APOOL: variants seen among roughly 807,000 people sequenced by gnomAD.
APOOL encodes the protein MICOS complex subunit MIC27.
APOOL carries 12 observed loss-of-function variants against 23.1 expected under a neutral mutation model. The ratio of observed to expected loss-of-function variants is 0.52; its 90% confidence interval spans 0.33 to 0.84. APOOL has a LOEUF of 0.84. Among genes scored for constraint, APOOL ranks in the 40% least tolerant of loss-of-function variants. The pLI is 0.02. For missense variants in APOOL, 212 were observed against 199.6 expected (o/e 1.06, Z -0.37); for synonymous variants, 77 against 69.9 (o/e 1.10, Z -0.51).
intron 1 of APOOL, among the ~76,000 whole-genome samples, chrX:85,030,600 T>C (rs1213154358): frequency 8.9e-6 from 1 of 111,876 alleles, no homozygotes; most frequent in Non-Finnish European, 1.9e-5. Flanking sequence ...AGAATGTCTT[T>C]TGTAGCAACT....
At chrX:85,024,674 A>G (rs1021192973) in intron 1 of APOOL, among the ~76,000 whole-genome samples, 4 of 112,750 alleles carry the variant, frequency 3.5e-5, no homozygotes, top group Admixed American at 9.4e-5. Context: ...TAACTCCTAG[A>G]CCAGCTCTTC....
intron 1 of APOOL, among the ~76,000 whole-genome samples, chrX:85,008,535 T>TTTGTGTGTGTGTG (rs778983009): frequency 1.2e-4 from 10 of 86,140 alleles, no homozygotes; most frequent in African/African-American, 4.3e-4. Context: ...TGATAACCCG[T>TTTGTGTGTGTGTG]TGTGTGTGTG....
chrX:85,014,659 T>C (rs1921406364), intron 1 of APOOL, among the ~76,000 whole-genome samples: 1 of 110,804 alleles, frequency 9.0e-6, no homozygotes, highest in Admixed American at 9.6e-5. Context: ...CAATTCCTTC[T>C]GGCTGTAAAG....
rs1036971036 is a variant in APOOL at position 85,090,964 on chromosome X, G to C, written c.*3286G>C. The C allele has an allele frequency of 8.9e-6, 1 of 112,333 alleles. No homozygotes were observed. Among genetic ancestry groups the C allele is most frequent in the African/African-American group, 3.2e-5 (1 of 30,881 alleles). The allele number at this position is 112,333 out of a possible 1,213,427, so 9.3% of individuals were successfully genotyped here. ...AAATGAAGGTATTTGGTATGGCCGG[G>C]TATGGTGGCTCACACCTATAATCCC... On this transcript the variant is annotated 3_prime_UTR_variant, in exon 9 of 9. Coordinates refer to ENST00000373173, the MANE Select transcript of APOOL (RefSeq NM_198450.6).
intron 5 of APOOL, among the ~76,000 whole-genome samples, chrX:85,060,107 T>A (rs1348788831): frequency 2.2e-4 from 24 of 110,404 alleles, no homozygotes; most frequent in Non-Finnish European, 4.0e-4. Flanking sequence ...ACTAGCCAGT[T>A]TTCCCAGCAC....
intron 5 of APOOL, among the ~76,000 whole-genome samples, chrX:85,060,394 G>C (rs1923163546): frequency 9.3e-6 from 1 of 107,368 alleles, no homozygotes; most frequent in Admixed American, 1.0e-4. Context: ...CTTTAAAGTA[G>C]TTTTTTTCCA....
At chrX:85,012,759 G>A (rs1248403724) in intron 1 of APOOL, among the ~76,000 whole-genome samples, 1 of 111,567 alleles carries the variant, frequency 9.0e-6, no homozygotes, top group East Asian at 2.8e-4. Flanking sequence ...ATTTTGTTGA[G>A]GATTTTTGCA....
chrX:85,035,291 T>A (rs1922177645), intron 1 of APOOL, among the ~76,000 whole-genome samples: 1 of 111,493 alleles, frequency 9.0e-6, no homozygotes, highest in Non-Finnish European at 1.9e-5. Flanking sequence ...CTTTTCCCCA[T>A]TTTTTAATGG....
In APOOL at chrX:85,015,760, G is replaced by A. The variant is rs183425875; in HGVS notation, c.15+11833G>A. 3.4e-3 allele frequency among the ~76,000 whole-genome samples: 371 copies of A among 110,390 alleles called. 2 individuals carry two copies. The highest frequency in any genetic ancestry group is 0.011 in the African/African-American group (335 of 30,372). On this transcript the variant is annotated intron_variant, in intron 1 of 8. Transcript: ENST00000373173. The stretch of plus-strand genomic sequence containing the variant: ...ATTTTGTATTTTTATTAGAGATGGG[G>A]TTTCACCATGTTGGCCAGGCTGGTC...
At chrX:85,006,748 A>C (rs1448732835) in intron 1 of APOOL, among the ~76,000 whole-genome samples, 5 of 111,567 alleles carry the variant, frequency 4.5e-5, no homozygotes, top group Admixed American at 9.5e-5. Flanking sequence ...TATGTTTCAC[A>C]TTGGCCCTAT....
Position 85,041,746 on chromosome X carries a change from T to C in APOOL, c.16-4700T>C, listed in dbSNP as rs757613996. Among the ~76,000 whole-genome samples the C allele has an allele frequency of 6.3e-5, 7 of 111,381 alleles. No homozygotes were observed. In the East Asian group the frequency reaches 2.0e-3, roughly 32 times the overall value. ...ATAGAGGGTCTATGGGGATCTCCTG[T>C]GTCCAGGACTGCAAAGGTTCATGGC... is the stretch of plus-strand genomic sequence containing the variant. On this transcript the variant is annotated intron_variant, in intron 1 of 8. Transcript: ENST00000373173.
rs995693852 is a variant in APOOL at position 85,088,611 on chromosome X, G to C, written c.*933G>C. Reference sequence around the variant, plus strand: ...TCTTAGAACTGTCAAAGTTGACTGTGCCTCCTATTTCATAGAGAAAAAACT... The same window carrying C: ...TCTTAGAACTGTCAAAGTTGACTGTCCCTCCTATTTCATAGAGAAAAAACT... On this transcript the variant is annotated 3_prime_UTR_variant, in exon 9 of 9. Coordinates refer to ENST00000373173, the MANE Select transcript of APOOL (RefSeq NM_198450.6). 4.6e-5 allele frequency: 5 copies of C among 109,253 alleles called. No individual in the cohort carries two copies. Among genetic ancestry groups the C allele is most frequent in the African/African-American group, 1.7e-4 (5 of 30,033 alleles). The allele number at this position is 109,253 out of a possible 1,213,427, so 9.0% of individuals were successfully genotyped here. A position where few individuals can be genotyped will look rare whatever the true frequency, so the allele number is the denominator to read the frequency against.
In APOOL at chrX:85,046,431, A is replaced by G. The variant is rs1296871825; in HGVS notation, c.16-15A>G. The stretch of plus-strand genomic sequence containing the variant: ...CTTTTCAACTAAAAAGATGTTTTTG[A>G]TATATCTTTCTTAGATGGGAAAACT... On this transcript the variant is annotated splice_polypyrimidine_tract_variant and intron_variant, in intron 1 of 8. Transcript: ENST00000373173. The G allele has an allele frequency of 3.2e-5, 38 of 1,170,211 alleles. No individual in the cohort carries two copies. Among genetic ancestry groups the G allele is most frequent in the Non-Finnish European group, 4.4e-5 (38 of 867,974 alleles).
At chrX:85,067,772 C>T (rs867605065) in intron 6 of APOOL, among the ~76,000 whole-genome samples, 5 of 111,499 alleles carry the variant, frequency 4.5e-5, no homozygotes, top group Middle Eastern at 4.6e-3. Context: ...AATCCAGATT[C>T]TCTTAATGAT....
intron 6 of APOOL, among the ~76,000 whole-genome samples, chrX:85,068,558 A>G (rs765083255): frequency 1.2e-4 from 13 of 108,052 alleles, no homozygotes; most frequent in Non-Finnish European, 2.5e-4. Context: ...GGCTCCCACC[A>G]CCACGTCCAG....
At chrX:85,055,206 T>C (rs979717641) in intron 4 of APOOL, among the ~76,000 whole-genome samples, 51 of 111,659 alleles carry the variant, frequency 4.6e-4, no homozygotes, top group African/African-American at 1.4e-3. Context: ...GTGATTGCCA[T>C]TAAATAATTA....
chrX:85,020,279 A>G (rs972269155), intron 1 of APOOL, among the ~76,000 whole-genome samples: 10 of 111,925 alleles, frequency 8.9e-5, no homozygotes, highest in Non-Finnish European at 1.3e-4. Context: ...GTGAGAAATT[A>G]CAGCTCCTGA....
chrX:85,067,341 T>A, intron 6 of APOOL, 123 bp downstream of exon 6: 1 of 433,066 alleles, frequency 2.3e-6, no homozygotes, highest in South Asian at 6.3e-5. Flanking sequence ...GTATCAACTC[T>A]TATGTTGGCC....
At chrX:85,007,048 A>T (rs1191430364) in intron 1 of APOOL, among the ~76,000 whole-genome samples, 3 of 111,647 alleles carry the variant, frequency 2.7e-5, no homozygotes, top group East Asian at 5.6e-4. Context: ...GAGGAGGTAG[A>T]GGAGGGAGCT....
Sources: allele counts gnomAD v4.1 joint callset (sites outside exome capture counted in the v4.1 genomes callset), GRCh38; gene constraint gnomAD v4.1.1; transcripts MANE v1.5; gene names NCBI Gene and HGNC (gene_info 2026-07-23, HGNC 2026-07-21).